Variants in NFXL1 observed in about 807,000 individuals in gnomAD.
The protein encoded by NFXL1 is NF-X1-type zinc finger protein NFXL1.
NFXL1 carries 66 observed loss-of-function variants against 123.3 expected under a neutral mutation model. That is an observed-to-expected ratio of 0.54 (90% CI 0.44 to 0.66). The LOEUF (loss-of-function observed/expected upper bound fraction) is 0.66. NFXL1 is among the 30% of genes least tolerant of loss of function. NFXL1 has a pLI of 0.00. For missense variants in NFXL1, 944 were observed against 1,125.6 expected, an observed-to-expected ratio of 0.84 and a Z score of 2.31; for synonymous variants, 346 against 360.8, an observed-to-expected ratio of 0.96 and a Z score of 0.46.
intron 22 of NFXL1, among the ~76,000 whole-genome samples, chr4:47,850,296 C>T (rs557303823): frequency 2.6e-5 from 4 of 152,210 alleles, no homozygotes; most frequent in African/African-American, 7.2e-5. Context: ...TTATTTACTA[C>T]ATGAATTGTT....
intron 5 of NFXL1, among the ~76,000 whole-genome samples, chr4:47,902,437 T>A (rs1737392810): frequency 6.6e-6 from 1 of 152,076 alleles, no homozygotes; most frequent in African/African-American, 2.4e-5. Context: ...TAAGCAAAAC[T>A]AATAAATGTA....
intron 15 of NFXL1, among the ~76,000 whole-genome samples, chr4:47,880,247 T>TA (rs1370958356): frequency 4.0e-5 from 6 of 150,878 alleles, no homozygotes; most frequent in East Asian, 2.0e-4. Context: ...AAATTAAAAT[T>TA]AAAAAAAATT....
Position 47,899,137 on chromosome 4 carries a change from G to GAA in NFXL1, c.827-18_827-17insTT. On this transcript the variant is annotated splice_polypyrimidine_tract_variant and intron_variant, in intron 6 of 22. Transcript: ENST00000507489. ...GGCAGGGACCTAGAATTCAGTAAAA[G>GAA]CAAAAAAAAAAAAAAAAAAAAAATC... is the stretch of plus-strand genomic sequence containing the variant. The GAA allele has an allele frequency of 1.4e-6, 1 of 694,364 alleles. No homozygotes were observed. Among genetic ancestry groups the GAA allele is most frequent in the Non-Finnish European group, 1.8e-6 (1 of 558,646 alleles). The allele number at this position is 694,364 out of a possible 1,614,324, so 43.0% of individuals were successfully genotyped here. A position where few individuals can be genotyped will look rare whatever the true frequency, so the allele number is the denominator to read the frequency against.
In NFXL1 at chr4:47,898,973, T is replaced by C. The variant is rs1038903907; in HGVS notation, c.974A>G (p.Asn325Ser). 2 of 1,613,826 alleles carry C rather than the reference T, an allele frequency of 1.2e-6. No individual in the cohort carries two copies. The highest frequency in any genetic ancestry group is 2.7e-5 in the African/African-American group (2 of 74,850). Reference protein sequence around the residue: ...KLLCGQHKCENPCHAGSCQPC... With the variant: ...KLLCGQHKCESPCHAGSCQPC... The stretch of plus-strand genomic sequence containing the variant: ...TGGCCTTTTACCTGCATGACAAGGA[T>C]TTTCACACTTATGTTGCCCACAAAG... The change falls in exon 7 of 23, where the codon AAT becomes AGT. Residue 325 changes from asparagine (N) to serine (S), a missense_variant. Around this residue, in one of 4 missense-constraint regions of NFXL1, gnomAD observed 296 missense variants for 395.1 expected, o/e 0.75. Transcript: ENST00000507489.
chr4:47,874,354 T>C (rs1470538582), intron 18 of NFXL1, among the ~76,000 whole-genome samples: 1 of 152,208 alleles, frequency 6.6e-6, no homozygotes, highest in Non-Finnish European at 1.5e-5. Flanking sequence ...TAACTCTTCC[T>C]TTCACTTGAA....
At position 47,851,159 on chromosome 4, in the gene NFXL1, A is replaced by C; in HGVS notation, c.2509-11T>G. Reference sequence around the variant, plus strand: ...TTCTGCTTCTTTTATCTGTTTATACACATACAAAAGTCAATTTACAATTTA... The same window carrying C: ...TTCTGCTTCTTTTATCTGTTTATACCCATACAAAAGTCAATTTACAATTTA... On this transcript the variant is annotated splice_polypyrimidine_tract_variant and intron_variant, in intron 21 of 22. Transcript: ENST00000507489. The C allele has an allele frequency of 1.9e-6, 3 of 1,600,522 alleles. No individual in the cohort carries two copies. Among genetic ancestry groups the C allele is most frequent in the Non-Finnish European group, 2.6e-6 (3 of 1,168,470 alleles).
intron 15 of NFXL1, among the ~76,000 whole-genome samples, chr4:47,883,886 A>T (rs1736265911): frequency 6.6e-6 from 1 of 152,152 alleles, no homozygotes; most frequent in African/African-American, 2.4e-5. Context: ...AGCTCCTTAG[A>T]GCTCAGTCCC....
chr4:47,870,577 T>C (rs984711441), intron 18 of NFXL1, among the ~76,000 whole-genome samples: 1 of 150,432 alleles, frequency 6.6e-6, no homozygotes, highest in Non-Finnish European at 1.5e-5. Flanking sequence ...GCAAAAGTAT[T>C]GTAAAGAAAG....
intron 9 of NFXL1, 142 bp downstream of exon 9, chr4:47,897,825 G>A (rs556197312): frequency 7.0e-6 from 4 of 572,192 alleles, no homozygotes; most frequent in Admixed American, 7.2e-5. Context: ...TATAGTTGGG[G>A]GCTTAAATTT....
chr4:47,878,735 A>G (rs1465601943), intron 16 of NFXL1, 70 bp from the exon 17 acceptor site: 97 of 1,109,050 alleles, frequency 8.7e-5, no homozygotes, highest in Non-Finnish European at 1.1e-4. Flanking sequence ...TATGTTTCCA[A>G]AATTACTCTG....
intron 3 of NFXL1, among the ~76,000 whole-genome samples, chr4:47,906,137 C>A (rs1737556973): frequency 6.6e-6 from 1 of 152,172 alleles, no homozygotes; most frequent in South Asian, 2.1e-4. Flanking sequence ...CAACAAATAA[C>A]AAGCAACAGC....
rs1432075985 is a variant in NFXL1 at position 47,851,903 on chromosome 4, T to C, written c.2461A>G (p.Ile821Val). 5 of 1,611,944 alleles carry C rather than the reference T, an allele frequency of 3.1e-6. No individual in the cohort carries two copies. The highest frequency in any genetic ancestry group is 4.2e-6 in the Non-Finnish European group (5 of 1,178,346). ...CNKVRENQVS[I>V]ECDTTCKEMK... ...TCCTTGCACGTTGTGTCACATTCTA[T>C]TGAAACCTGATTTTCACGTACTTTG... The change falls in exon 21 of 23, where the codon ATA becomes GTA. Residue 821 changes from isoleucine to valine, a missense_variant. This residue lies in a region of NFXL1 where 301 missense variants were observed against 348.0 expected (regional missense o/e 0.86). Transcript: ENST00000507489.
intron 3 of NFXL1, among the ~76,000 whole-genome samples, chr4:47,909,336 G>A (rs898041317): frequency 2.0e-5 from 3 of 152,080 alleles, no homozygotes; most frequent in Non-Finnish European, 4.4e-5. Context: ...AAAAGTAACC[G>A]TCTAGTCTCC....
rs1192167994 is a variant in NFXL1, at chr4:47,848,179, G to T, written c.2720C>A (p.Thr907Asn). The T allele has an allele frequency of 4.4e-6, 7 of 1,589,482 alleles. No individual in the cohort carries two copies. Among genetic ancestry groups the T allele is most frequent in the East Asian group, 2.2e-5 (1 of 44,486 alleles). Residue 907 changes from threonine (T) to asparagine (N), a missense_variant, in exon 23 of 23, where the codon ACC becomes AAC. Physicochemically the swap from Thr to Asn is moderately conservative, Grantham distance 65. This residue lies in a region of NFXL1 where 301 missense variants were observed against 348.0 expected (regional missense o/e 0.86). Transcript: ENST00000507489. ...AAACTTTTTTTAATTGACATCATGG[G>T]TGATGTACCAGGCAAACACTACAAC... Reference protein sequence around the residue: ...VVVVVFAWYITHDVN With the variant: ...VVVVVFAWYINHDVN
At chr4:47,904,495 T>C (rs1737479136) in intron 4 of NFXL1, among the ~76,000 whole-genome samples, 1 of 152,198 alleles carries the variant, frequency 6.6e-6, no homozygotes, top group South Asian at 2.1e-4. Flanking sequence ...ACCAACTAGA[T>C]GTGACTCTAG....
At chr4:47,877,108 T>TA (rs766255446) in intron 17 of NFXL1, 33 of 784,358 alleles carry the variant, frequency 4.2e-5, no homozygotes, top group South Asian at 3.4e-4. Context: ...GGCTGGGAGT[T>TA]AAAAGATCAG....
In NFXL1 at chr4:47,903,252, C is replaced by G; in HGVS notation, c.588G>C (p.Gln196His). 1.9e-6 allele frequency: 3 copies of G among 1,601,076 alleles called. No individual in the cohort carries two copies. Among genetic ancestry groups the G allele is most frequent in the Non-Finnish European group, 2.6e-6 (3 of 1,173,152 alleles). The change falls in exon 5 of 23, where the codon CAG (glutamine) becomes CAC (histidine). Residue 196 changes from glutamine to histidine, a missense_variant. Transcript: ENST00000507489. ...CATCAGTCACAGAAGATACAAGAAA[C>G]TGGCTGTCTTTAGCCCACTTCTGGA... is the stretch of plus-strand genomic sequence containing the variant. ...PCIQKWAKDSQFLVSSVTDDD... is the reference protein window; with the variant it reads ...PCIQKWAKDSHFLVSSVTDDD...
At chr4:47,881,407 C>T (rs1033454443) in intron 15 of NFXL1, among the ~76,000 whole-genome samples, 13 of 152,036 alleles carry the variant, frequency 8.6e-5, no homozygotes, top group African/African-American at 2.9e-4. Flanking sequence ...AGAGCAACAA[C>T]AATTCTCACT....
chr4:47,883,236 G>A (rs1482258589), intron 15 of NFXL1, among the ~76,000 whole-genome samples: 1 of 150,922 alleles, frequency 6.6e-6, no homozygotes, highest in African/African-American at 2.4e-5. Context: ...CGGAGACTCC[G>A]TCTCAAAGAA....
Sources: gnomAD v4.1 joint callset for allele counts (sites outside exome capture counted in the v4.1 genomes callset) on GRCh38, gnomAD v4.1.1 for gene constraint, gnomAD v4.1.1 regional missense constraint, MANE v1.5 for transcripts, NCBI Gene and HGNC (gene_info 2026-07-23, HGNC 2026-07-21) for gene names.